PLK2: variants seen among roughly 807,000 people sequenced by gnomAD.
The protein encoded by PLK2 is serine/threonine-protein kinase PLK2.
Under a neutral mutation model 78.1 loss-of-function variants are expected in PLK2, and 25 were observed. The ratio of observed to expected loss-of-function variants is 0.32; its 90% CI spans 0.23 to 0.45. PLK2 has a LOEUF of 0.45. PLK2 is among the 20% of genes least tolerant of loss of function. PLK2 has a pLI of 1.00. For missense variants in PLK2, 566 were observed against 840.2 expected, an observed-to-expected ratio of 0.67 and a Z score of 4.04; for synonymous variants, 332 against 298.2, an observed-to-expected ratio of 1.11 and a Z score of -1.17.
rs1334774590 is a variant in PLK2 at position 58,457,241 on chromosome 5, G to A, written c.948C>T (p.Ser316=). 2.5e-6 allele frequency: 4 copies of A among 1,613,938 alleles called. No individual in the cohort carries two copies. The stretch of plus-strand genomic sequence containing the variant: ...AACTGGGACGATCCTCTGGGTTTTT[G>A]GACAACATACTAGCAATTAAGTGCT... The part of the protein sequence containing the change: ...PAKHLIASML[S]KNPEDRPSLD... Residue 316 remains serine (S), a synonymous_variant, in exon 7 of 14, where the codon TCC becomes TCT. Transcript: ENST00000274289.
Position 58,455,445 on chromosome 5 carries a change from AG to A in PLK2, c.1626-32del, listed in dbSNP as rs757456643. 1.6e-5 allele frequency: 25 copies of A among 1,611,746 alleles called. No homozygotes were observed. The Middle Eastern group carries it at 8.2e-4, about 53-fold the overall frequency. ...AAAACAGGAACGAAAGGGAGAGAAG[AG>A]GAAAAAAAAATAGAAGCAGTTAATC... On this transcript the variant is annotated intron_variant, in intron 11 of 13. Coordinates refer to ENST00000274289, the MANE Select transcript of PLK2 (RefSeq NM_006622.4).
Position 58,456,555 on chromosome 5 carries a change from C to T in PLK2, c.1191G>A (p.Lys397=), listed in dbSNP as rs746732562. ...RVSKEDEDIY[K]LRHDLKKTSI... ...AAGTCTTTTTCAAATCATGCCTAAG[C>T]TTGTAGATGTCTTCATCTTCTTTAG... Residue 397 remains lysine (K), a synonymous_variant, in exon 9 of 14, where the codon AAG becomes AAA. Transcript: ENST00000274289. The T allele has an allele frequency of 1.2e-6, 2 of 1,609,602 alleles. No individual in the cohort carries two copies. Among genetic ancestry groups the T allele is most frequent in the Non-Finnish European group, 1.7e-6 (2 of 1,176,074 alleles).
rs376580707 is a variant in PLK2 at position 58,459,762 on chromosome 5, C to G, written c.198G>C (p.Gly66=). ...CGACGATAATCCGCGAGATCTCCGG[C>G]CCCGAGTGCGAATGGTGGTGATGGT... is the stretch of plus-strand genomic sequence containing the variant. The part of the protein sequence containing the change: ...PHHHHHHSHS[G]PEISRIIVDP... Residue 66 remains glycine (G), a synonymous_variant, in exon 1 of 14, where the codon GGG becomes GGC. Transcript: ENST00000274289. 6.2e-7 allele frequency: 1 copy of G among 1,607,410 alleles called. No individual in the cohort carries two copies. The highest frequency in any genetic ancestry group is 8.5e-7 in the Non-Finnish European group (1 of 1,179,556).
intron 13 of PLK2, 45 bp from the exon 14 acceptor site, chr5:58,454,819 A>G: frequency 1.3e-6 from 2 of 1,530,350 alleles, no homozygotes. Flanking sequence ...AATATTCGAG[A>G]ATTAGAAAAG....
In PLK2 at chr5:58,456,013, G is replaced by A. The variant is rs201809807; in HGVS notation, c.1384+13C>T. ...GAGTTTCATTATTTAAAATACGATT[G>A]ACAACCACTTACATTCACTGCTGCT... On this transcript the variant is annotated intron_variant, in intron 10 of 13. Transcript: ENST00000274289. 145 of 1,604,926 alleles carry A rather than the reference G, an allele frequency of 9.0e-5. No individual in the cohort carries two copies. In the East Asian group the frequency reaches 3.2e-3, roughly 36 times the overall value.
Position 58,455,736 on chromosome 5 carries a change from T to G in PLK2, c.1428A>C (p.Ala476=), listed in dbSNP as rs1430525770. ...TTTCCAGACATCCCCGAAGAACCCT[T>G]GCCACTGTGTCTGCAACACTTCCCA... ...STMGSVADTV[A]RVLRGCLENM... is the part of the protein sequence containing the mutation. Residue 476 remains alanine (A), a synonymous_variant, in exon 11 of 14, where the codon GCA becomes GCC. Coordinates refer to ENST00000274289, the MANE Select transcript of PLK2 (RefSeq NM_006622.4). 6.2e-7 allele frequency: 1 copy of G among 1,614,096 alleles called. No homozygotes were observed. Among genetic ancestry groups the G allele is most frequent in the Admixed American group, 1.7e-5 (1 of 60,034 alleles).
Position 58,455,735 on chromosome 5 carries a change from T to A in PLK2, c.1429A>T (p.Arg477Trp), listed in dbSNP as rs1743582410. The A allele has an allele frequency of 6.2e-7, 1 of 1,614,072 alleles. No individual in the cohort carries two copies. The highest frequency in any genetic ancestry group is 2.2e-5 in the East Asian group (1 of 44,880). The change falls in exon 11 of 14, where the codon AGG becomes TGG. Residue 477 changes from arginine to tryptophan, a missense_variant. This residue lies in a region of PLK2 where 129 missense variants were observed against 156.0 expected (regional missense o/e 0.83). Coordinates refer to ENST00000274289, the MANE Select transcript of PLK2 (RefSeq NM_006622.4). ...TTTTCCAGACATCCCCGAAGAACCC[T>A]TGCCACTGTGTCTGCAACACTTCCC... is the stretch of plus-strand genomic sequence containing the variant. ...TMGSVADTVA[R>W]VLRGCLENMP...
At chr5:58,455,046 T>A in intron 12 of PLK2, 25 bp from the exon 13 acceptor site, 1 of 1,326,158 alleles carries the variant, frequency 7.5e-7, no homozygotes, top group Non-Finnish European at 1.1e-6. Context: ...GAGAGTGAGT[T>A]AGTGCCTACA....
At chr5:58,456,403 A>T (rs901770146) in intron 9 of PLK2, 89 bp downstream of exon 9, 1 of 883,078 alleles carries the variant, frequency 1.1e-6, no homozygotes, top group African/African-American at 1.7e-5. Flanking sequence ...GACATATTTG[A>T]ACCATGATAA....
At position 58,456,586 on chromosome 5, in the gene PLK2, C is replaced by G. The variant is rs951811137; in HGVS notation, c.1160G>C (p.Arg387Thr). The change falls in exon 9 of 14, where the codon AGA (arginine) becomes ACA (threonine). Residue 387 changes from arginine to threonine, a missense_variant. By Grantham distance (71) the Arg-to-Thr change is moderately conservative. This residue lies in a region of PLK2 where 129 missense variants were observed against 156.0 expected (regional missense o/e 0.83). Transcript: ENST00000274289. ...DKARYIDTHN[R>T]VSKEDEDIYK... Reference sequence around the variant, plus strand: ...GATGTCTTCATCTTCTTTAGACACTCTATCTGTATATCAAGAAACAGAATT... The same window carrying G: ...GATGTCTTCATCTTCTTTAGACACTGTATCTGTATATCAAGAAACAGAATT... The G allele has an allele frequency of 7.1e-6, 11 of 1,538,518 alleles. No individual in the cohort carries two copies. The highest frequency in any genetic ancestry group is 9.9e-6 in the Non-Finnish European group (11 of 1,113,250).
intron 4 of PLK2, 94 bp downstream of exon 4, chr5:58,458,305 G>C (rs697134): frequency 0.83 from 1,177,178 of 1,411,492 alleles, 492,484 homozygotes; most frequent in African/African-American, 0.97. Flanking sequence ...TTGCAGACAC[G>C]AGATCCCAAT....
rs1220978948 is a variant in PLK2 at position 58,454,994 on chromosome 5, T to C, written c.1783A>G (p.Ile595Val). 3.7e-6 allele frequency: 6 copies of C among 1,610,434 alleles called. No homozygotes were observed. In the East Asian group the frequency reaches 1.1e-4, roughly 30 times the overall value. ...AGGAGGTAGAGCCGAGGTCTTCGAA[T>C]ATCAGTAACACTAGGCAGATCTCCA... is the stretch of plus-strand genomic sequence containing the variant. ...DGGDLPSVTDIRRPRLYLLQW... is the reference protein window; with the variant it reads ...DGGDLPSVTDVRRPRLYLLQW... Residue 595 changes from isoleucine to valine, a missense_variant, in exon 13 of 14, where the codon ATT becomes GTT. Transcript: ENST00000274289.
rs767365440 is a variant in PLK2 at position 58,459,720 on chromosome 5, C to A, written c.240G>T (p.Lys80Asn). The change falls in exon 1 of 14, where the codon AAG (lysine) becomes AAT (asparagine). Residue 80 changes from lysine to asparagine, a missense_variant. This residue lies in a region of PLK2 where 127 missense variants were observed against 122.5 expected (regional missense o/e 1.04). Coordinates refer to ENST00000274289, the MANE Select transcript of PLK2 (RefSeq NM_006622.4). ...SRIIVDPTTG[K>N]RYCRGKVLGK... ...CCAGCACTTTGCCCCGGCAGTAGCGCTTCCCAGTCGTGGGGTCGACGATAA... is the reference window on the plus strand; with the variant it reads ...CCAGCACTTTGCCCCGGCAGTAGCGATTCCCAGTCGTGGGGTCGACGATAA... The A allele has an allele frequency of 2.5e-6, 4 of 1,600,882 alleles. No individual in the cohort carries two copies. Among genetic ancestry groups the A allele is most frequent in the Non-Finnish European group, 3.4e-6 (4 of 1,174,558 alleles).
At position 58,455,407 on chromosome 5, in the gene PLK2, G is replaced by C; in HGVS notation, c.1633C>G (p.His545Asp). ...MSLLPDKKTVHYYAELGQCSV... is the reference protein window; with the variant it reads ...MSLLPDKKTVDYYAELGQCSV... ...CATTGGCCAAGCTCTGCGTAATAGTGAACTGTTCTATAAAAACAGGAACGA... is the reference window on the plus strand; with the variant it reads ...CATTGGCCAAGCTCTGCGTAATAGTCAACTGTTCTATAAAAACAGGAACGA... The change falls in exon 12 of 14, where the codon CAC becomes GAC. Residue 545 changes from histidine to aspartate, a missense_variant. This residue lies in a region of PLK2 where 130 missense variants were observed against 196.4 expected (regional missense o/e 0.66). Coordinates refer to ENST00000274289, the MANE Select transcript of PLK2 (RefSeq NM_006622.4). The C allele has an allele frequency of 6.2e-7, 1 of 1,613,806 alleles. No individual in the cohort carries two copies. Among genetic ancestry groups the C allele is most frequent in the Non-Finnish European group, 8.5e-7 (1 of 1,179,910 alleles).
chr5:58,458,547 A>G lies in PLK2; in HGVS notation c.496-19T>C. The G allele has an allele frequency of 6.3e-7, 1 of 1,597,296 alleles. No homozygotes were observed. Among genetic ancestry groups the G allele is most frequent in the South Asian group, 1.1e-5 (1 of 87,762 alleles). On this transcript the variant is annotated intron_variant, in intron 3 of 13. Coordinates refer to ENST00000274289, the MANE Select transcript of PLK2 (RefSeq NM_006622.4). ...CCATTGACTAAGAAGAGGAGAAGGA[A>G]AAAAGAGAATCTGTCAAAACAGTTA...
At chr5:58,454,830 TTCAG>T in intron 13 of PLK2, 56 bp from the exon 14 acceptor site, 1 of 1,500,746 alleles carries the variant, frequency 6.7e-7, no homozygotes, top group Non-Finnish European at 9.2e-7. Context: ...ATTAGAAAAG[TTCAG>T]TCAATCACTA....
rs1460970638 is a variant in PLK2 at position 58,454,486 on chromosome 5, T to C, written c.*97A>G. 3.5e-6 allele frequency: 3 copies of C among 857,216 alleles called. No individual in the cohort carries two copies. The highest frequency in any genetic ancestry group is 5.6e-6 in the Non-Finnish European group (3 of 536,196). The allele number at this position is 857,216 out of a possible 1,614,324, so 53.1% of individuals were successfully genotyped here. ...GGAATTGTTTTCGTACCACCACATG[T>C]CCATCTTCTTCAACATACTCTAGAT... On this transcript the variant is annotated 3_prime_UTR_variant, in exon 14 of 14. Coordinates refer to ENST00000274289, the MANE Select transcript of PLK2 (RefSeq NM_006622.4).
In PLK2 at chr5:58,459,797, C is replaced by T. The variant is rs748118982; in HGVS notation, c.163G>A (p.Ala55Thr). The stretch of plus-strand genomic sequence containing the variant: ...GAATGGTGGTGATGGTGGTGAGGGG[C>T]CGCCGGGGGCACTTGCGCCTGGGAC... ...PQSQAQVPPA[A>T]PHHHHHHSHS... is the part of the protein sequence containing the mutation. The change falls in exon 1 of 14, where the codon GCC (alanine) becomes ACC (threonine). Residue 55 changes from alanine (A) to threonine (T), a missense_variant. Coordinates refer to ENST00000274289, the MANE Select transcript of PLK2 (RefSeq NM_006622.4). The T allele has an allele frequency of 3.7e-6, 6 of 1,608,404 alleles. No individual in the cohort carries two copies. In the South Asian group the frequency reaches 5.5e-5, roughly 15 times the overall value.
At chr5:58,454,889 CT>C (rs756484903) in intron 13 of PLK2, 21 bp downstream of exon 13, 2 of 1,536,738 alleles carry the variant, frequency 1.3e-6, no homozygotes, top group African/African-American at 2.7e-5. Flanking sequence ...TAAACGTGCA[CT>C]TTCCTGAAGA....
Sources: gnomAD v4.1 joint callset for allele counts on GRCh38, gnomAD v4.1.1 for gene constraint, gnomAD v4.1.1 regional missense constraint, MANE v1.5 for transcripts, NCBI Gene and HGNC (gene_info 2026-07-23, HGNC 2026-07-21) for gene names.